Variants in TRIO observed in about 807,000 individuals in gnomAD.
TRIO encodes the protein trio Rho guanine nucleotide exchange factor.
A neutral mutation model predicts 351.9 loss-of-function variants in TRIO; 58 were observed. That is an observed-to-expected ratio of 0.16 (90% CI 0.13 to 0.21). TRIO has a LOEUF of 0.21. TRIO is among the 10% of genes least tolerant of loss of function. The probability of loss-of-function intolerance (pLI) is 1.00; values close to 1 mark genes in which losing one functional copy is unlikely to be tolerated. For synonymous variants in TRIO, 1,758 were observed against 1,595.7 expected (o/e 1.10, Z -2.42); for missense variants, 3,201 against 4,027.8 (o/e 0.79, Z 5.56).
intron 28 of TRIO, among the ~76,000 whole-genome samples, chr5:14,396,047 A>G (rs1445700389): frequency 6.8e-6 from 1 of 145,994 alleles, no homozygotes; most frequent in Non-Finnish European, 1.5e-5. Flanking sequence ...CTCCGCCTAA[A>G]AAAAAAAAAA....
chr5:14,459,948 C>T (rs576944887), intron 34 of TRIO, among the ~76,000 whole-genome samples: 105 of 151,902 alleles, frequency 6.9e-4, no homozygotes, highest in African/African-American at 2.4e-3. Context: ...TGCAGTTTCG[C>T]TCTGTCGTTC....
intron 16 of TRIO, among the ~76,000 whole-genome samples, chr5:14,367,392 C>A (rs546602096): frequency 1.7e-4 from 26 of 152,260 alleles, no homozygotes; most frequent in Middle Eastern, 3.4e-3. Context: ...TGTTACCAAC[C>A]TCAACCAAGC....
At chr5:14,446,264 C>T (rs1561499932) in intron 34 of TRIO, among the ~76,000 whole-genome samples, 2 of 152,174 alleles carry the variant, frequency 1.3e-5, no homozygotes, top group East Asian at 3.8e-4. Context: ...AGAAAGCCGC[C>T]TTCTCCCCAG....
chr5:14,437,960 A>T (rs1751727768), intron 34 of TRIO, among the ~76,000 whole-genome samples: 1 of 152,218 alleles, frequency 6.6e-6, no homozygotes, highest in Admixed American at 6.5e-5. Flanking sequence ...TTTGGTCCTC[A>T]GAGACAAACG....
chr5:14,162,148 C>G (rs976725570), intron 1 of TRIO, among the ~76,000 whole-genome samples: 3 of 152,152 alleles, frequency 2.0e-5, no homozygotes, highest in African/African-American at 7.2e-5. Context: ...CAGAATCATT[C>G]CATTCACATA....
chr5:14,423,045 T>A (rs772879366), intron 34 of TRIO, among the ~76,000 whole-genome samples: 3 of 152,246 alleles, frequency 2.0e-5, no homozygotes, highest in Non-Finnish European at 4.4e-5. Flanking sequence ...AGCCTTCGTG[T>A]CTGATGGCGC....
At chr5:14,400,030 C>T (rs987697361) in intron 30 of TRIO, among the ~76,000 whole-genome samples, 4 of 152,126 alleles carry the variant, frequency 2.6e-5, no homozygotes, top group Non-Finnish European at 4.4e-5. Context: ...AAAATGTCCC[C>T]GAGTATGGAA....
intron 1 of TRIO, among the ~76,000 whole-genome samples, chr5:14,204,147 T>G (rs1791316467): frequency 6.6e-6 from 1 of 152,218 alleles, no homozygotes; most frequent in African/African-American, 2.4e-5. Flanking sequence ...TGTTTTGAGT[T>G]GTGTGTCTTG....
At chr5:14,435,094 G>A (rs540295963) in intron 34 of TRIO, among the ~76,000 whole-genome samples, 19 of 152,248 alleles carry the variant, frequency 1.2e-4, no homozygotes, top group East Asian at 7.7e-4. Context: ...AAGTAGTGTC[G>A]CAGGACTTTT....
chr5:14,290,698 G>T lies in TRIO; in HGVS notation c.541-18G>T. 3.2e-6 allele frequency: 5 copies of T among 1,572,378 alleles called. No individual in the cohort carries two copies. Among genetic ancestry groups the T allele is most frequent in the Non-Finnish European group, 2.6e-6 (3 of 1,159,656 alleles). On this transcript the variant is annotated intron_variant, in intron 4 of 56. Transcript: ENST00000344204. ...AAAATTGGTTCATCTTCTCATACGTGATTTTTTTTCCCTTAAGACAAATAT... is the reference window on the plus strand; with the variant it reads ...AAAATTGGTTCATCTTCTCATACGTTATTTTTTTTCCCTTAAGACAAATAT...
At chr5:14,472,518 TGACCAGGA>T in intron 38 of TRIO, 66 bp from the exon 39 acceptor site, 1 of 1,524,136 alleles carries the variant, frequency 6.6e-7, no homozygotes, top group Non-Finnish European at 9.1e-7. Context: ...GAGTCCATCT[TGACCAGGA>T]GCAAAGGTAC....
chr5:14,321,103 G>A (rs1251794358), intron 9 of TRIO, among the ~76,000 whole-genome samples: 6 of 152,242 alleles, frequency 3.9e-5, no homozygotes, highest in Non-Finnish European at 8.8e-5. Context: ...AGGTCCTATA[G>A]TAGAGGGGCA....
chr5:14,371,635 T>C (rs1392580532), intron 18 of TRIO, among the ~76,000 whole-genome samples: 2 of 151,682 alleles, frequency 1.3e-5, no homozygotes, highest in Non-Finnish European at 2.9e-5. Flanking sequence ...TTGATTGTTC[T>C]GTAAATGTTT....
chr5:14,454,277 C>G (rs1211957138), intron 34 of TRIO, among the ~76,000 whole-genome samples: 1 of 152,124 alleles, frequency 6.6e-6, no homozygotes, highest in African/African-American at 2.4e-5. Context: ...TCCTGAGCCC[C>G]CACCCCGACA....
intron 1 of TRIO, among the ~76,000 whole-genome samples, chr5:14,209,108 C>T (rs189090767): frequency 1.3e-5 from 2 of 152,262 alleles, no homozygotes; most frequent in East Asian, 3.9e-4. Context: ...GATTACATTC[C>T]TGTTTTCCAG....
intron 2 of TRIO, 62 bp downstream of exon 2, chr5:14,270,961 G>T: frequency 8.2e-7 from 1 of 1,213,586 alleles, no homozygotes; most frequent in Non-Finnish European, 1.2e-6. Context: ...AGAGTCTGAC[G>T]TAATAAATGA....
chr5:14,245,903 G>A (rs1408894902), intron 1 of TRIO, among the ~76,000 whole-genome samples: 1 of 152,230 alleles, frequency 6.6e-6, no homozygotes, highest in Non-Finnish European at 1.5e-5. Context: ...GGAATTAGAA[G>A]CCTATTAGGG....
rs1043589407 is a variant in TRIO, at chr5:14,275,973, T to C, written c.233-4349T>C. 2.0e-5 allele frequency among the ~76,000 whole-genome samples: 3 copies of C among 148,272 alleles called. No individual in the cohort carries two copies. In the Admixed American group the frequency reaches 2.0e-4, roughly 10 times the overall value. On this transcript the variant is annotated intron_variant, in intron 2 of 56. Coordinates refer to ENST00000344204, the MANE Select transcript of TRIO (RefSeq NM_007118.4). ...ATACATATATATACATATATATACATACATATATATATATACACACACACA... is the reference window on the plus strand; with the variant it reads ...ATACATATATATACATATATATACACACATATATATATATACACACACACA...
intron 46 of TRIO, among the ~76,000 whole-genome samples, chr5:14,484,287 T>C (rs1009156250): frequency 1.3e-5 from 2 of 152,242 alleles, no homozygotes; most frequent in African/African-American, 4.8e-5. Context: ...TTTAGTGATA[T>C]TTGAGATTTG....
Sources: allele counts gnomAD v4.1 joint callset (sites outside exome capture counted in the v4.1 genomes callset), GRCh38; gene constraint gnomAD v4.1.1; transcripts MANE v1.5; gene names NCBI Gene and HGNC (gene_info 2026-07-23, HGNC 2026-07-21).